Variants in RBFOX3 observed in about 807,000 individuals in gnomAD.
RBFOX3 encodes RNA binding fox-1 homolog 3.
In RBFOX3, 17 loss-of-function variants were observed where a neutral mutation model predicts 48.7. That is an observed-to-expected ratio of 0.35 (90% confidence interval 0.24 to 0.52). The LOEUF (loss-of-function observed/expected upper bound fraction) is 0.52, where lower values mean the gene tolerates loss of function less well. RBFOX3 is among the 20% of genes least tolerant of loss of function. The pLI is 0.94. For missense variants in RBFOX3, 382 were observed against 497.5 expected, an observed-to-expected ratio of 0.77 and a Z score of 2.21; for synonymous variants, 212 against 209.5, an observed-to-expected ratio of 1.01 and a Z score of -0.10.
At position 79,145,606 on chromosome 17, in the gene RBFOX3, A is replaced by T. The variant is rs144923792; in HGVS notation, c.-33-29858T>A. On this transcript the variant is annotated intron_variant, in intron 4 of 14. Coordinates refer to ENST00000693108, the MANE Select transcript of RBFOX3 (RefSeq NM_001350451.2). ...CCTGGCCTTCCTTCTGGGGGCGCAG[A>T]GGCCTGCTGAGCACTGGCCCCGCAT... Among the ~76,000 whole-genome samples, 588 of 152,356 alleles carry T rather than the reference A, an allele frequency of 3.9e-3. 3 individuals are homozygous for T. Among genetic ancestry groups the T allele is most frequent in the Non-Finnish European group, 4.3e-3 (294 of 68,038 alleles).
chr17:79,102,893 G>C (rs1383959586), intron 8 of RBFOX3, among the ~76,000 whole-genome samples: 1 of 152,226 alleles, frequency 6.6e-6, no homozygotes, highest in Non-Finnish European at 1.5e-5. Flanking sequence ...GGCTCCTCCA[G>C]TGTCTGGTTG....
At chr17:79,496,895 G>A (rs2081619756) in intron 1 of RBFOX3, among the ~76,000 whole-genome samples, 1 of 152,214 alleles carries the variant, frequency 6.6e-6, no homozygotes, top group South Asian at 2.1e-4. Context: ...GCAGGGCATG[G>A]AAATCTTCCT....
intron 1 of RBFOX3, among the ~76,000 whole-genome samples, chr17:79,490,999 G>A (rs903413994): frequency 3.2e-4 from 44 of 138,580 alleles, no homozygotes; most frequent in Non-Finnish European, 6.5e-4. Context: ...GGCTTCCTAG[G>A]GCAGGTGACC....
intron 4 of RBFOX3, among the ~76,000 whole-genome samples, chr17:79,124,791 C>A (rs1378782244): frequency 1.3e-5 from 2 of 152,226 alleles, no homozygotes; most frequent in African/African-American, 4.8e-5. Context: ...ACCTGTAGCC[C>A]TGTGGCTTCC....
At chr17:79,592,923 C>T (rs2093465103) in intron 1 of RBFOX3, among the ~76,000 whole-genome samples, 1 of 152,188 alleles carries the variant, frequency 6.6e-6, no homozygotes, top group Admixed American at 6.5e-5. Flanking sequence ...CCCACTACCC[C>T]ACACCCCTGC....
chr17:79,102,922 G>A (rs1028356154), intron 8 of RBFOX3, among the ~76,000 whole-genome samples: 3 of 152,184 alleles, frequency 2.0e-5, no homozygotes, highest in Non-Finnish European at 4.4e-5. Flanking sequence ...GCCTCTCCTA[G>A]GAAAAGGAGG....
At chr17:79,117,444 C>T (rs1457570177) in intron 4 of RBFOX3, among the ~76,000 whole-genome samples, 1 of 152,212 alleles carries the variant, frequency 6.6e-6, no homozygotes, top group Non-Finnish European at 1.5e-5. Flanking sequence ...GCTTTGTTCA[C>T]ACCACACACG....
At position 79,501,668 on chromosome 17, in the gene RBFOX3, T is replaced by C. The variant is rs1384027992; in HGVS notation, c.-319-19070A>G. ...TTTGCATAATGTGCCCTTCTCCTTA[T>C]ACATTATTGATTTGCATTCCATGCA... On this transcript the variant is annotated intron_variant, in intron 1 of 14. Transcript: ENST00000693108. Among the ~76,000 whole-genome samples the C allele has an allele frequency of 3.9e-5, 6 of 152,250 alleles. No individual in the cohort carries two copies. In the South Asian group the frequency reaches 1.0e-3, roughly 26 times the overall value.
intron 4 of RBFOX3, among the ~76,000 whole-genome samples, chr17:79,166,448 T>C (rs890923815): frequency 3.4e-5 from 5 of 148,076 alleles, no homozygotes; most frequent in African/African-American, 7.4e-5. Flanking sequence ...AAGACTTAAG[T>C]AGGCTCAGCT....
chr17:79,090,786 T>A lies in RBFOX3; in HGVS notation c.*97A>T. 1 of 1,388,102 alleles carries A rather than the reference T, an allele frequency of 7.2e-7. No individual in the cohort carries two copies. Among genetic ancestry groups the A allele is most frequent in the East Asian group, 2.5e-5 (1 of 39,946 alleles). The allele number at this position is 1,388,102 out of a possible 1,614,324, so 86.0% of individuals were successfully genotyped here. On this transcript the variant is annotated 3_prime_UTR_variant, in exon 15 of 15. Transcript: ENST00000693108. ...TTTGGTTGGTTTTTTTTTTGTTGCTTGGATCTTAACATCTTTTTTTGTTTT... is the reference window on the plus strand; with the variant it reads ...TTTGGTTGGTTTTTTTTTTGTTGCTAGGATCTTAACATCTTTTTTTGTTTT...
chr17:79,364,826 C>T lies in RBFOX3; in HGVS notation c.-174-57002G>A, dbSNP rs565117799. 1.9e-4 allele frequency among the ~76,000 whole-genome samples: 29 copies of T among 152,338 alleles called. No individual in the cohort carries two copies. The highest frequency in any genetic ancestry group is 6.5e-4 in the African/African-American group (27 of 41,576). The stretch of plus-strand genomic sequence containing the variant: ...CAGCCCACGCATGTGGCCTTACCTA[C>T]AGCCTGGGTTGCTCCCTCAGCTGGA... On this transcript the variant is annotated intron_variant, in intron 2 of 14. Coordinates refer to ENST00000693108, the MANE Select transcript of RBFOX3 (RefSeq NM_001350451.2). The surrounding 1 kb of genome is among the most constrained non-coding windows in gnomAD (Gnocchi z 5.1).
At chr17:79,191,829 G>A (rs2054586407) in intron 4 of RBFOX3, among the ~76,000 whole-genome samples, 1 of 152,156 alleles carries the variant, frequency 6.6e-6, no homozygotes, top group African/African-American at 2.4e-5. Flanking sequence ...CCTTTCTCAG[G>A]CTTTGAGAGC....
At position 79,301,839 on chromosome 17, in the gene RBFOX3, A is replaced by G. The variant is rs374402190; in HGVS notation, c.-74+5885T>C. ...AGCCCCGAAGATCTTATGCTGAGTG[A>G]AATAAGCCAGACTCAAAGGGACAAA... On this transcript the variant is annotated intron_variant, in intron 3 of 14. Coordinates refer to ENST00000693108, the MANE Select transcript of RBFOX3 (RefSeq NM_001350451.2). Among the ~76,000 whole-genome samples, 5 of 152,326 alleles carry G rather than the reference A, an allele frequency of 3.3e-5. No individual in the cohort carries two copies. In the East Asian group the frequency reaches 7.7e-4, roughly 24 times the overall value.
chr17:79,553,100 C>T (rs1475447127), intron 1 of RBFOX3, among the ~76,000 whole-genome samples: 1 of 152,004 alleles, frequency 6.6e-6, no homozygotes, highest in African/African-American at 2.4e-5. Context: ...AGTGTTTCCA[C>T]ATTAAGAAAA....
intron 2 of RBFOX3, among the ~76,000 whole-genome samples, chr17:79,315,073 C>T (rs78346204): frequency 0.1 from 15,557 of 152,022 alleles, 1,625 homozygotes; most frequent in African/African-American, 0.27. Flanking sequence ...GAGTGAGAGA[C>T]CCTGATTATA....
At chr17:79,272,224 T>C (rs974898802) in intron 3 of RBFOX3, among the ~76,000 whole-genome samples, 10 of 152,022 alleles carry the variant, frequency 6.6e-5, no homozygotes, top group Non-Finnish European at 2.9e-5. Context: ...AGCCACTGGT[T>C]ACATGGCCTT....
rs1410512633 is a variant in RBFOX3 at position 79,463,196 on chromosome 17, G to GGCATTGCCACTGCCACCT, written c.-175+19257_-175+19258insAGGTGGCAGTGGCAATGC. On this transcript the variant is annotated intron_variant, in intron 2 of 14. Transcript: ENST00000693108. The stretch of plus-strand genomic sequence containing the variant: ...CTCCACCGCCATCGCCACTGCCACC[G>GGCATTGCCACTGCCACCT]CCATCGCCACTGCCACCTCCACTGC... Among the ~76,000 whole-genome samples, 6 of 113,956 alleles carry GGCATTGCCACTGCCACCT rather than the reference G, an allele frequency of 5.3e-5. 1 individual carries two copies. Among genetic ancestry groups the GGCATTGCCACTGCCACCT allele is most frequent in the Non-Finnish European group, 7.5e-5 (4 of 53,350 alleles). The allele number at this position is 113,956 out of a possible 152,430, so 74.8% of individuals were successfully genotyped here.
chr17:79,551,146 C>T (rs2091106629), intron 1 of RBFOX3, among the ~76,000 whole-genome samples: 2 of 152,274 alleles, frequency 1.3e-5, no homozygotes, highest in South Asian at 4.2e-4. Context: ...GCTGGTACTT[C>T]CTGGGAGGCC....
intron 1 of RBFOX3, among the ~76,000 whole-genome samples, chr17:79,523,878 C>A (rs2086457876): frequency 6.6e-6 from 1 of 152,282 alleles, no homozygotes; most frequent in Admixed American, 6.5e-5. Flanking sequence ...AATACCTTAT[C>A]CCCCACAGCC....
Sources: gnomAD v4.1 joint callset for allele counts (sites outside exome capture counted in the v4.1 genomes callset) on GRCh38, gnomAD v4.1.1 for gene constraint, Gnocchi (gnomAD v3.1) non-coding constraint, MANE v1.5 for transcripts, NCBI Gene and HGNC (gene_info 2026-07-23, HGNC 2026-07-21) for gene names.